LINGO2: variants seen among roughly 807,000 people sequenced by gnomAD.
LINGO2 encodes leucine rich repeat and Ig domain containing 2, also known as leucine-rich repeat and immunoglobulin-like domain-containing nogo receptor-interacting protein 2.
Under a neutral mutation model 30.6 loss-of-function variants are expected in LINGO2, and 14 were observed. That is an observed-to-expected ratio of 0.46 (90% CI 0.30 to 0.72). The LOEUF (loss-of-function observed/expected upper bound fraction) is 0.72. Among genes scored for constraint, LINGO2 ranks in the 30% least tolerant of loss-of-function variants. The pLI is 0.07. For missense variants in LINGO2, 729 were observed against 751.7 expected, an observed-to-expected ratio of 0.97 and a Z score of 0.35; for synonymous variants, 317 against 288.5, an observed-to-expected ratio of 1.10 and a Z score of -1.00.
chr9:28,738,050 A>G, the LINGO2 span, among the ~76,000 whole-genome samples: 1 of 152,108 alleles, frequency 6.6e-6, no homozygotes, highest in African/African-American at 2.4e-5. Context: ...ATTCTTCTGC[A>G]CTCGTCCCCT....
rs116849745 is a variant in LINGO2 at position 27,950,771 on chromosome 9, G to T, written c.-35-65C>A. 1.7e-3 allele frequency: 1,461 copies of T among 849,368 alleles called. 14 individuals carry two copies. In the East Asian group the frequency reaches 0.02, roughly 12 times the overall value. 52.6% of individuals were successfully genotyped at this position (849,368 alleles called of 1,614,324 possible). A position where few individuals can be genotyped will look rare whatever the true frequency, so the allele number is the denominator to read the frequency against. On this transcript the variant is annotated intron_variant, in intron 5 of 5. Transcript: ENST00000379992. ...AGTTAGGATATAAATAGGTGAAGGG[G>T]CATAAATAGGGCAGCAAGTGTAATG...
At chr9:29,179,042 G>T in the LINGO2 span, among the ~76,000 whole-genome samples, 3 of 151,250 alleles carry the variant, frequency 2.0e-5, no homozygotes, top group Non-Finnish European at 2.9e-5. Flanking sequence ...GGCTGAGCTG[G>T]TTGAGGCTAT....
At chr9:28,140,372 T>A (rs1431600231) in intron 4 of LINGO2, among the ~76,000 whole-genome samples, 1 of 152,220 alleles carries the variant, frequency 6.6e-6, no homozygotes, top group Non-Finnish European at 1.5e-5. Flanking sequence ...ATTCACGAAC[T>A]AAATCATTTG....
chr9:28,657,078 C>T (rs1009885241), intron 1 of LINGO2, among the ~76,000 whole-genome samples: 2 of 151,918 alleles, frequency 1.3e-5, no homozygotes, highest in African/African-American at 4.8e-5. Flanking sequence ...AGACTTGATC[C>T]AAAACCATTC....
At chr9:28,509,064 C>T (rs1468559232) in intron 1 of LINGO2, among the ~76,000 whole-genome samples, 2 of 152,102 alleles carry the variant, frequency 1.3e-5, no homozygotes, top group Non-Finnish European at 2.9e-5. Flanking sequence ...TATACTTCTC[C>T]CAACCTGGAA....
chr9:29,064,868 T>C, the LINGO2 span, among the ~76,000 whole-genome samples: 1 of 152,114 alleles, frequency 6.6e-6, no homozygotes, highest in Non-Finnish European at 1.5e-5. Context: ...CTTTCATATT[T>C]ATCCCTATGT....
chr9:28,916,235 C>T, the LINGO2 span, among the ~76,000 whole-genome samples: 1 of 152,036 alleles, frequency 6.6e-6, no homozygotes, highest in Non-Finnish European at 1.5e-5. Context: ...AGTATTTCAC[C>T]CCCGAATTTG....
At chr9:28,572,002 G>T (rs894440882) in intron 1 of LINGO2, among the ~76,000 whole-genome samples, 3 of 151,968 alleles carry the variant, frequency 2.0e-5, no homozygotes, top group African/African-American at 7.2e-5. Context: ...TAACCACAGT[G>T]GTCCTCACAT....
intron 2 of LINGO2, among the ~76,000 whole-genome samples, chr9:28,395,972 C>A (rs1218101365): frequency 6.6e-6 from 1 of 152,024 alleles, no homozygotes; most frequent in South Asian, 2.1e-4. Context: ...ATCCATTTGT[C>A]TTGGTTAAAA....
At chr9:28,337,282 T>A (rs1405986425) in intron 3 of LINGO2, among the ~76,000 whole-genome samples, 1 of 151,606 alleles carries the variant, frequency 6.6e-6, no homozygotes, top group Admixed American at 6.6e-5. Context: ...AAAACGACCC[T>A]CCAAATTAAA....
At chr9:28,471,500 C>T (rs918692220) in intron 2 of LINGO2, among the ~76,000 whole-genome samples, 5 of 152,080 alleles carry the variant, frequency 3.3e-5, no homozygotes, top group African/African-American at 1.2e-4. Flanking sequence ...TCCCACCTCC[C>T]AACACTGCTA....
chr9:28,566,632 A>G (rs1361127577), intron 1 of LINGO2, among the ~76,000 whole-genome samples: 4 of 152,180 alleles, frequency 2.6e-5, no homozygotes, highest in Non-Finnish European at 5.9e-5. Flanking sequence ...TATTTTCAGA[A>G]GTGCCTGCAA....
chr9:28,253,807 G>A (rs1277360737), intron 4 of LINGO2, among the ~76,000 whole-genome samples: 1 of 152,058 alleles, frequency 6.6e-6, no homozygotes, highest in Non-Finnish European at 1.5e-5. Context: ...TAATGAGACA[G>A]CTAAGTGTAA....
chr9:29,080,744 T>C, the LINGO2 span, among the ~76,000 whole-genome samples: 2 of 152,072 alleles, frequency 1.3e-5, no homozygotes, highest in Non-Finnish European at 2.9e-5. Flanking sequence ...TTCCATGTAG[T>C]TGAGCGGTTT....
At chr9:28,532,668 C>A (rs1296034051) in intron 1 of LINGO2, among the ~76,000 whole-genome samples, 1 of 152,014 alleles carries the variant, frequency 6.6e-6, no homozygotes, top group Non-Finnish European at 1.5e-5. Context: ...CTCTGATTCT[C>A]CTCTAGACTT....
At chr9:28,836,959 G>C in the LINGO2 span, among the ~76,000 whole-genome samples, 3 of 152,168 alleles carry the variant, frequency 2.0e-5, no homozygotes, top group African/African-American at 4.8e-5. Flanking sequence ...CATTGGGAAA[G>C]TTGGTACTAT....
At chr9:28,248,996 C>T (rs1046264925) in intron 4 of LINGO2, among the ~76,000 whole-genome samples, 18 of 152,104 alleles carry the variant, frequency 1.2e-4, no homozygotes, top group Admixed American at 1.3e-4. Context: ...AGGGCTTCTA[C>T]AGATTATGCT....
chr9:28,478,269 T>C (rs1363631484), intron 1 of LINGO2, among the ~76,000 whole-genome samples: 3 of 152,278 alleles, frequency 2.0e-5, no homozygotes, highest in Middle Eastern at 3.4e-3. Flanking sequence ...ACTAGCAGCA[T>C]TTGTTTTTTT....
intron 4 of LINGO2, among the ~76,000 whole-genome samples, chr9:28,151,267 T>C (rs913974648): frequency 3.9e-5 from 6 of 152,176 alleles, no homozygotes; most frequent in Admixed American, 1.3e-4. Flanking sequence ...AAGAGATTGA[T>C]AGAAAAAAGA....
Sources: allele counts gnomAD v4.1 joint callset (sites outside exome capture counted in the v4.1 genomes callset), GRCh38; gene constraint gnomAD v4.1.1; transcripts MANE v1.5; gene names NCBI Gene and HGNC (gene_info 2026-07-23, HGNC 2026-07-21).